Variants in MED26 observed in about 807,000 individuals in gnomAD.
MED26 encodes mediator complex subunit 26.
In MED26, 7 loss-of-function variants were observed where a neutral mutation model predicts 43.7. That is an observed-to-expected ratio of 0.16 (90% CI 0.09 to 0.30). The LOEUF (loss-of-function observed/expected upper bound fraction) is 0.30, where lower values mean the gene tolerates loss of function less well. MED26 is among the 10% of genes least tolerant of loss of function. MED26 has a pLI of 1.00. For missense variants in MED26, 784 were observed against 840.6 expected (o/e 0.93, Z 0.83); for synonymous variants, 375 against 371.1 (o/e 1.01, Z -0.12).
chr19:16,619,131 C>A (rs1404182987), intron 1 of MED26, among the ~76,000 whole-genome samples: 2 of 152,344 alleles, frequency 1.3e-5, no homozygotes, highest in East Asian at 3.9e-4. Context: ...GCTGTGCAGG[C>A]AACCAATTAA....
intron 1 of MED26, among the ~76,000 whole-genome samples, chr19:16,591,586 C>A (rs577604131): frequency 7.9e-5 from 12 of 152,172 alleles, no homozygotes; most frequent in Non-Finnish European, 1.8e-4. Context: ...ACACACACAC[C>A]CCCTTGTATG....
Position 16,576,908 on chromosome 19 carries a change from C to T in MED26, c.922G>A (p.Asp308Asn), listed in dbSNP as rs760592870. The T allele has an allele frequency of 1.0e-5, 16 of 1,601,888 alleles. No individual in the cohort carries two copies. The highest frequency in any genetic ancestry group is 3.4e-5 in the Admixed American group (2 of 59,376). Residue 308 changes from aspartate to asparagine, a missense_variant, in exon 3 of 3, where the codon GAT becomes AAT. By Grantham distance (23) the Asp-to-Asn change is conservative. Transcript: ENST00000263390. This position sits in a 1 kb window ranked among gnomAD's most constrained non-coding sequence, Gnocchi z 6.8. ...AGCGGTGACGGCACCTGTGTGGCAT[C>T]GAGTGCCTGGGGCCGCGGTGAGGGG... The part of the protein sequence containing the change: ...PSPSPRPQAL[D>N]ATQVPSPLPL...
chr19:16,582,700 G>A (rs2086051888), intron 1 of MED26, among the ~76,000 whole-genome samples: 1 of 152,106 alleles, frequency 6.6e-6, no homozygotes, highest in Admixed American at 6.5e-5. Flanking sequence ...GCAGGCCACA[G>A]GGGGAGGGCA....
intron 1 of MED26, among the ~76,000 whole-genome samples, chr19:16,599,872 A>G (rs576251113): frequency 2.2e-4 from 33 of 152,326 alleles, no homozygotes; most frequent in African/African-American, 7.2e-4. Flanking sequence ...TGAGGACAGG[A>G]GAGAGGCTAT....
At chr19:16,611,451 C>A (rs1197295201) in intron 1 of MED26, 1 of 152,152 alleles carries the variant, frequency 6.6e-6, no homozygotes, top group South Asian at 2.1e-4. Flanking sequence ...TACATAGAGG[C>A]CCGCAATCCA....
chr19:16,591,048 A>AAAATAAATAAATGAAT (rs2086094821), intron 1 of MED26, among the ~76,000 whole-genome samples: 2 of 142,636 alleles, frequency 1.4e-5, no homozygotes, highest in Non-Finnish European at 3.0e-5. Context: ...AAAATAAAAT[A>AAAATAAATAAATGAAT]AAATAAATAA....
At chr19:16,578,472 C>CT in intron 1 of MED26, 63 bp from the exon 2 acceptor site, 1 of 1,460,466 alleles carries the variant, frequency 6.8e-7, no homozygotes, top group Middle Eastern at 1.8e-4. Flanking sequence ...CTGGAACACC[C>CT]TGCCCCAGCC....
At chr19:16,579,466 C>T (rs983279457) in intron 1 of MED26, among the ~76,000 whole-genome samples, 2 of 152,254 alleles carry the variant, frequency 1.3e-5, no homozygotes, top group Admixed American at 1.3e-4. Context: ...CTTTGTCTGG[C>T]AGAGTGAAGC....
chr19:16,579,786 T>A (rs974607420), intron 1 of MED26, among the ~76,000 whole-genome samples: 9 of 152,170 alleles, frequency 5.9e-5, no homozygotes, highest in African/African-American at 2.2e-4. Context: ...GAAATGGGCA[T>A]CTCTGACCCA....
At chr19:16,613,273 A>T (rs1242273511) in intron 1 of MED26, among the ~76,000 whole-genome samples, 1 of 152,172 alleles carries the variant, frequency 6.6e-6, no homozygotes, top group Non-Finnish European at 1.5e-5. Context: ...GAGGAGGCTT[A>T]GAGGATTTCT....
At position 16,608,470 on chromosome 19, in the gene MED26, G is replaced by A. The variant is rs941199632; in HGVS notation, c.72+19402C>T. The stretch of plus-strand genomic sequence containing the variant: ...CACATTCAGTGATCTCATGTTAGTG[G>A]CTTGAAGCCAGCCATGGTGAGAGTA... On this transcript the variant is annotated intron_variant, in intron 1 of 2. Coordinates refer to ENST00000263390, the MANE Select transcript of MED26 (RefSeq NM_004831.5). Among the ~76,000 whole-genome samples the A allele has an allele frequency of 1.6e-4, 25 of 152,322 alleles. 1 individual carries two copies. Among genetic ancestry groups the A allele is most frequent in the African/African-American group, 5.8e-4 (24 of 41,578 alleles).
chr19:16,609,232 A>G (rs1357235539), intron 1 of MED26, among the ~76,000 whole-genome samples: 11 of 149,600 alleles, frequency 7.4e-5, no homozygotes, highest in African/African-American at 2.5e-4. Flanking sequence ...GAATCACTTG[A>G]ATCCGGGAGG....
chr19:16,593,825 C>T (rs2086108698), intron 1 of MED26, among the ~76,000 whole-genome samples: 1 of 152,180 alleles, frequency 6.6e-6, no homozygotes, highest in East Asian at 1.9e-4. Flanking sequence ...GGCCACCTCT[C>T]CTGTCCCTCC....
intron 1 of MED26, among the ~76,000 whole-genome samples, chr19:16,625,549 T>A (rs1385821883): frequency 6.6e-6 from 1 of 151,232 alleles, no homozygotes; most frequent in Non-Finnish European, 1.5e-5. Flanking sequence ...CCCGTTTTTT[T>A]TTTTTTCATG....
At chr19:16,609,762 T>G (rs1477663931) in intron 1 of MED26, among the ~76,000 whole-genome samples, 1 of 151,984 alleles carries the variant, frequency 6.6e-6, no homozygotes, top group Admixed American at 6.6e-5. Context: ...CTGGATTTTT[T>G]AGAAATGCCA....
At chr19:16,578,669 C>T in intron 1 of MED26, 1 of 455,472 alleles carries the variant, frequency 2.2e-6, no homozygotes, top group South Asian at 3.2e-5. Context: ...TGGTACATAC[C>T]CACCCACCTG....
intron 1 of MED26, among the ~76,000 whole-genome samples, chr19:16,607,249 T>C (rs1025352166): frequency 5.9e-5 from 9 of 152,174 alleles, no homozygotes; most frequent in Middle Eastern, 3.4e-3. Flanking sequence ...CATATACCTG[T>C]AGTCCCAGCT....
chr19:16,598,561 T>A (rs2086133514), intron 1 of MED26, among the ~76,000 whole-genome samples: 1 of 152,116 alleles, frequency 6.6e-6, no homozygotes, highest in Non-Finnish European at 1.5e-5. Flanking sequence ...TGGCATCCAG[T>A]ACTGTTCCCT....
intron 1 of MED26, among the ~76,000 whole-genome samples, chr19:16,592,864 C>T (rs1451209770): frequency 1.3e-5 from 2 of 152,222 alleles, no homozygotes; most frequent in Admixed American, 1.3e-4. Context: ...CAAACCACTG[C>T]CCTGGAATGC....
Sources: gnomAD v4.1 joint callset for allele counts (sites outside exome capture counted in the v4.1 genomes callset) on GRCh38, gnomAD v4.1.1 for gene constraint, Gnocchi (gnomAD v3.1) non-coding constraint, MANE v1.5 for transcripts, NCBI Gene and HGNC (gene_info 2026-07-23, HGNC 2026-07-21) for gene names.